SATB2: variants seen among roughly 807,000 people sequenced by gnomAD.
SATB2 encodes the protein DNA-binding protein SATB2.
SATB2 carries 1 observed loss-of-function variant against 73.4 expected under a neutral mutation model. That is an observed-to-expected ratio of 0.01 (90% CI 0.00 to 0.06). The LOEUF (loss-of-function observed/expected upper bound fraction) is 0.06. Ranked by LOEUF, SATB2 falls within the 10% of genes least tolerant of loss-of-function variation. The pLI is 1.00. For missense variants in SATB2, 459 were observed against 945.8 expected, an observed-to-expected ratio of 0.49 and a Z score of 6.75; for synonymous variants, 397 against 367.0, an observed-to-expected ratio of 1.08 and a Z score of -0.93.
chr2:199,467,780 G>A (rs1204251219), upstream of SATB2, among the ~76,000 whole-genome samples: 2 of 152,062 alleles, frequency 1.3e-5, no homozygotes, highest in South Asian at 4.2e-4. Context: ...CACCACGTTG[G>A]CCTAGGACAC....
chr2:199,421,744 T>C (rs925629743), intron 3 of SATB2, among the ~76,000 whole-genome samples: 4 of 152,170 alleles, frequency 2.6e-5, no homozygotes, highest in South Asian at 2.1e-4. Flanking sequence ...ACACAATGTC[T>C]TTATAGCCTT....
At chr2:199,383,593 G>A (rs1386561499) in intron 3 of SATB2, among the ~76,000 whole-genome samples, 3 of 152,096 alleles carry the variant, frequency 2.0e-5, no homozygotes, top group Non-Finnish European at 2.9e-5. Context: ...CAGAATGGGG[G>A]GGAATGAAGT....
intron 4 of SATB2, 129 bp downstream of exon 4, chr2:199,381,561 CCTCT>C (rs1256680615): frequency 3.1e-6 from 4 of 1,278,154 alleles, no homozygotes; most frequent in Admixed American, 3.4e-5. Context: ...TCCTTCTTTC[CCTCT>C]CTCTCCTTCT....
intron 2 of SATB2, among the ~76,000 whole-genome samples, chr2:199,435,436 C>T (rs1247858113): frequency 6.6e-6 from 1 of 151,868 alleles, no homozygotes; most frequent in Non-Finnish European, 1.5e-5. Flanking sequence ...GCAACCTCCA[C>T]CTCTCGGGTT....
chr2:199,422,240 T>C (rs915383815), intron 3 of SATB2, among the ~76,000 whole-genome samples: 7 of 152,154 alleles, frequency 4.6e-5, no homozygotes, highest in Admixed American at 2.6e-4. Flanking sequence ...ATATTACCTA[T>C]TTTTATCTCT....
chr2:199,297,203 T>C (rs1687135077), intron 10 of SATB2, among the ~76,000 whole-genome samples: 1 of 152,244 alleles, frequency 6.6e-6, no homozygotes, highest in Non-Finnish European at 1.5e-5. Flanking sequence ...TACGTATTTG[T>C]TGTGAACTAC....
At chr2:199,291,367 T>A (rs894679095) in intron 10 of SATB2, among the ~76,000 whole-genome samples, 2 of 152,152 alleles carry the variant, frequency 1.3e-5, no homozygotes, top group Admixed American at 6.5e-5. Flanking sequence ...CTTCTAAAAA[T>A]ATGCATCTGA....
intron 10 of SATB2, among the ~76,000 whole-genome samples, chr2:199,283,144 T>C (rs1013372046): frequency 2.0e-5 from 3 of 150,916 alleles, no homozygotes; most frequent in Non-Finnish European, 3.0e-5. Context: ...AGTGCAATGG[T>C]GCGATCTCGG....
At chr2:199,337,855 T>C (rs1229716381) in intron 7 of SATB2, among the ~76,000 whole-genome samples, 1 of 152,194 alleles carries the variant, frequency 6.6e-6, no homozygotes, top group African/African-American at 2.4e-5. Flanking sequence ...CAAGGCCAAA[T>C]GGTCATCATT....
Position 199,388,210 on chromosome 2 carries a change from A to G in SATB2, c.347-6390T>C, listed in dbSNP as rs536603047. ...ATTAAGCATGAAGCATTCATTCAAC[A>G]ACTTTTTTCTTGTGTCCCTCCAACA... On this transcript the variant is annotated intron_variant, in intron 3 of 10. Transcript: ENST00000417098. 2.6e-5 allele frequency among the ~76,000 whole-genome samples: 4 copies of G among 152,346 alleles called. No individual in the cohort carries two copies. The East Asian group carries it at 7.7e-4, about 29-fold the overall frequency.
intron 5 of SATB2, among the ~76,000 whole-genome samples, chr2:199,373,627 A>G (rs901668615): frequency 7.9e-5 from 12 of 152,112 alleles, no homozygotes; most frequent in African/African-American, 2.9e-4. Flanking sequence ...GAGTGTAAGG[A>G]TTCTTCTGTG....
intron 2 of SATB2, among the ~76,000 whole-genome samples, chr2:199,452,562 T>C (rs904118174): frequency 1.8e-4 from 27 of 152,290 alleles, no homozygotes; most frequent in South Asian, 6.2e-4. Flanking sequence ...TCTGTAAGTT[T>C]TAATCAACAA....
intron 10 of SATB2, among the ~76,000 whole-genome samples, chr2:199,294,902 A>G (rs752348654): frequency 6.6e-5 from 10 of 152,178 alleles, no homozygotes; most frequent in Non-Finnish European, 1.5e-4. Context: ...TTTTAAAAAA[A>G]TTGACTCTTA....
chr2:199,376,257 A>C (rs2059136909), intron 5 of SATB2, among the ~76,000 whole-genome samples: 2 of 152,214 alleles, frequency 1.3e-5, no homozygotes, highest in Non-Finnish European at 2.9e-5. Flanking sequence ...TGTGCTGGGC[A>C]TCAATCACCA....
upstream of SATB2, chr2:199,469,850 T>A (rs1692670220): frequency 6.6e-6 from 1 of 152,432 alleles, no homozygotes. Context: ...TTCACACCTA[T>A]TACATTTTTC....
At chr2:199,359,009 T>C (rs1169515836) in intron 6 of SATB2, among the ~76,000 whole-genome samples, 1 of 152,200 alleles carries the variant, frequency 6.6e-6, no homozygotes, top group Non-Finnish European at 1.5e-5. Context: ...TCATTTTTAT[T>C]CTTTATTTTA....
chr2:199,307,747 G>T (rs369194751), intron 10 of SATB2, among the ~76,000 whole-genome samples: 1 of 152,156 alleles, frequency 6.6e-6, no homozygotes, highest in Non-Finnish European at 1.5e-5. Context: ...AACATGTGAG[G>T]GGGGAGGGAA....
intron 3 of SATB2, among the ~76,000 whole-genome samples, chr2:199,422,368 A>G (rs1481174421): frequency 6.6e-6 from 1 of 151,940 alleles, no homozygotes; most frequent in East Asian, 1.9e-4. Context: ...AAACTTTATA[A>G]GTTTATAAGG....
chr2:199,428,664 T>C (rs190916307), intron 3 of SATB2, among the ~76,000 whole-genome samples: 13 of 152,298 alleles, frequency 8.5e-5, no homozygotes, highest in Admixed American at 3.9e-4. Context: ...TTAAATGAGT[T>C]AGTACATGTA....
Sources: allele counts gnomAD v4.1 joint callset (sites outside exome capture counted in the v4.1 genomes callset), GRCh38; gene constraint gnomAD v4.1.1; transcripts MANE v1.5; gene names NCBI Gene and HGNC (gene_info 2026-07-23, HGNC 2026-07-21).